The following VWC2L variants were observed in gnomAD, a reference collection of about 807,000 sequenced individuals.
The protein encoded by VWC2L is von Willebrand factor C domain-containing protein 2-like.
In VWC2L, 10 loss-of-function variants were observed where a neutral mutation model predicts 21.6. The ratio of observed to expected loss-of-function variants is 0.46; its 90% CI spans 0.29 to 0.78. VWC2L has a LOEUF of 0.78. VWC2L is among the 30% of genes least tolerant of loss of function. VWC2L has a pLI of 0.10. For synonymous variants in VWC2L, 96 were observed against 94.3 expected, an observed-to-expected ratio of 1.02 and a Z score of -0.10; for missense variants, 209 against 277.1, an observed-to-expected ratio of 0.75 and a Z score of 1.74.
At chr2:214,523,685 A>G (rs1265998974) in intron 3 of VWC2L, among the ~76,000 whole-genome samples, 1 of 152,146 alleles carries the variant, frequency 6.6e-6, no homozygotes, top group African/African-American at 2.4e-5. Flanking sequence ...CTAAAAATAC[A>G]AAACTTAACT....
chr2:214,481,914 T>C (rs1688608142), intron 3 of VWC2L, among the ~76,000 whole-genome samples: 1 of 152,218 alleles, frequency 6.6e-6, no homozygotes. Context: ...TATAATTTTG[T>C]AAATGTTCTT....
At chr2:214,424,918 G>A (rs1424016192) in intron 2 of VWC2L, among the ~76,000 whole-genome samples, 1 of 152,152 alleles carries the variant, frequency 6.6e-6, no homozygotes, top group Non-Finnish European at 1.5e-5. Flanking sequence ...GTTGAAAAAT[G>A]ACTTTTAAAA....
At chr2:214,525,995 T>C (rs1689327721) in intron 3 of VWC2L, among the ~76,000 whole-genome samples, 1 of 151,996 alleles carries the variant, frequency 6.6e-6, no homozygotes, top group Non-Finnish European at 1.5e-5. Flanking sequence ...TCTATATGTA[T>C]ATATGTTCTC....
chr2:214,486,778 T>C (rs1387422376), intron 3 of VWC2L, among the ~76,000 whole-genome samples: 1 of 152,240 alleles, frequency 6.6e-6, no homozygotes, highest in Non-Finnish European at 1.5e-5. Flanking sequence ...ACCTGCTTTC[T>C]ACTTTAAGCA....
rs1178636986 is a variant in VWC2L, at chr2:214,545,598, G to C, written c.521-30074G>C. 1.3e-5 allele frequency among the ~76,000 whole-genome samples: 2 copies of C among 152,120 alleles called. 1 individual carries two copies. The highest frequency in any genetic ancestry group is 4.8e-5 in the African/African-American group (2 of 41,424). On this transcript the variant is annotated intron_variant, in intron 3 of 3. Transcript: ENST00000312504. Reference sequence around the variant, plus strand: ...ATAATGTGATGTTTCTGAAGTTCCAGAGCTGCCAGAAATCTAAGGAAAAGC... The same window carrying C: ...ATAATGTGATGTTTCTGAAGTTCCACAGCTGCCAGAAATCTAAGGAAAAGC...
chr2:214,539,583 A>G (rs183781854), intron 3 of VWC2L, among the ~76,000 whole-genome samples: 1 of 152,292 alleles, frequency 6.6e-6, no homozygotes, highest in Non-Finnish European at 1.5e-5. Flanking sequence ...GTTATTGAAA[A>G]ACAACGTTAA....
In VWC2L at chr2:214,551,309, CA is replaced by C. The variant is rs909111849; in HGVS notation, c.521-24360del. 9.9e-5 allele frequency among the ~76,000 whole-genome samples: 15 copies of C among 152,110 alleles called. 1 individual carries two copies. The highest frequency in any genetic ancestry group is 3.6e-4 in the African/African-American group (15 of 41,404). Reference sequence around the variant, plus strand: ...GTTCTGATCTTTTAAAGGTCTCAGTCAAATTTTACAAATCTTCTTATTCGTA... The same window carrying C: ...GTTCTGATCTTTTAAAGGTCTCAGTCAATTTTACAAATCTTCTTATTCGTA... On this transcript the variant is annotated intron_variant, in intron 3 of 3. Coordinates refer to ENST00000312504, the MANE Select transcript of VWC2L (RefSeq NM_001080500.4).
At chr2:214,552,655 C>T (rs1010514046) in intron 3 of VWC2L, among the ~76,000 whole-genome samples, 2 of 152,198 alleles carry the variant, frequency 1.3e-5, no homozygotes, top group South Asian at 2.1e-4. Flanking sequence ...TATTTCTCTA[C>T]TCACGACTTA....
At chr2:214,499,468 C>A (rs1171802693) in intron 3 of VWC2L, among the ~76,000 whole-genome samples, 1 of 135,074 alleles carries the variant, frequency 7.4e-6, no homozygotes, top group Non-Finnish European at 1.5e-5. Context: ...AAGTTTGACA[C>A]AGGAAGGGGA....
chr2:214,465,626 T>C (rs766047715), intron 3 of VWC2L, among the ~76,000 whole-genome samples: 6 of 152,218 alleles, frequency 3.9e-5, no homozygotes, highest in Non-Finnish European at 7.3e-5. Flanking sequence ...CACTGGCCTG[T>C]ATCTCACTAG....
chr2:214,530,831 G>T (rs1689422205), intron 3 of VWC2L, among the ~76,000 whole-genome samples: 1 of 152,110 alleles, frequency 6.6e-6, no homozygotes, highest in Non-Finnish European at 1.5e-5. Flanking sequence ...ACATTAAGCT[G>T]GTAGCCATAT....
intron 2 of VWC2L, among the ~76,000 whole-genome samples, chr2:214,427,480 T>C (rs1172089885): frequency 6.6e-6 from 1 of 152,214 alleles, no homozygotes; most frequent in Non-Finnish European, 1.5e-5. Flanking sequence ...AAGATTGAAG[T>C]TTCATCTCTG....
Position 214,577,861 on chromosome 2 carries a change from C to G in VWC2L, c.*2041C>G, listed in dbSNP as rs1042165230. The G allele has an allele frequency of 6.6e-6, 1 of 152,160 alleles. No homozygotes were observed. The highest frequency in any genetic ancestry group is 1.9e-4 in the East Asian group (1 of 5,184). The allele number at this position is 152,160 out of a possible 1,614,324, so 9.4% of individuals were successfully genotyped here. On this transcript the variant is annotated 3_prime_UTR_variant, in exon 4 of 4. Transcript: ENST00000312504. ...TGTGCTTGCGTTATGATACAAATAGCCATGCCGGCACCATCCCGAGGAAGA... is the reference window on the plus strand; with the variant it reads ...TGTGCTTGCGTTATGATACAAATAGGCATGCCGGCACCATCCCGAGGAAGA...
intron 3 of VWC2L, among the ~76,000 whole-genome samples, chr2:214,492,249 A>T (rs886834577): frequency 2.0e-5 from 3 of 152,204 alleles, no homozygotes; most frequent in Non-Finnish European, 4.4e-5. Flanking sequence ...GCAAGAGGGC[A>T]TGTGATGACT....
chr2:214,470,266 A>G (rs139029090), intron 3 of VWC2L, among the ~76,000 whole-genome samples: 490 of 152,074 alleles, frequency 3.2e-3, no homozygotes, highest in African/African-American at 0.01. Context: ...GGTGAAGATA[A>G]ATTGCTCAAA....
chr2:214,543,346 G>T (rs375282579), intron 3 of VWC2L, among the ~76,000 whole-genome samples: 1 of 152,038 alleles, frequency 6.6e-6, no homozygotes, highest in Non-Finnish European at 1.5e-5. Context: ...AACTTATTAC[G>T]TATAGTAACA....
At chr2:214,521,344 A>G (rs959351638) in intron 3 of VWC2L, among the ~76,000 whole-genome samples, 3 of 152,200 alleles carry the variant, frequency 2.0e-5, no homozygotes, top group Non-Finnish European at 4.4e-5. Context: ...TCCTCAAAAC[A>G]CTGCAAAATT....
chr2:214,505,384 C>T (rs1373292790), intron 3 of VWC2L, among the ~76,000 whole-genome samples: 1 of 152,132 alleles, frequency 6.6e-6, no homozygotes, highest in Non-Finnish European at 1.5e-5. Context: ...CTGTACTACT[C>T]TATAATTTGT....
At chr2:214,566,536 A>G (rs1690065633) in intron 3 of VWC2L, among the ~76,000 whole-genome samples, 1 of 152,332 alleles carries the variant, frequency 6.6e-6, no homozygotes, top group South Asian at 2.1e-4. Context: ...AGGCAGCCTT[A>G]GAGAAAACAA....
Sources: allele counts gnomAD v4.1 joint callset (sites outside exome capture counted in the v4.1 genomes callset), GRCh38; gene constraint gnomAD v4.1.1; transcripts MANE v1.5; gene names NCBI Gene and HGNC (gene_info 2026-07-23, HGNC 2026-07-21).